The following PLCE1 variants were observed in gnomAD, a reference collection of about 807,000 sequenced individuals.
The protein encoded by PLCE1 is phospholipase C epsilon 1.
PLCE1 carries 119 observed loss-of-function variants against 242.8 expected under a neutral mutation model. The ratio of observed to expected loss-of-function variants is 0.49; its 90% CI spans 0.42 to 0.57. PLCE1 has a LOEUF of 0.57. Ranked by LOEUF, PLCE1 falls within the 20% of genes least tolerant of loss-of-function variation. PLCE1 has a pLI of 0.00. For synonymous variants in PLCE1, 945 were observed against 1,017.4 expected, an observed-to-expected ratio of 0.93 and a Z score of 1.35; for missense variants, 2,441 against 2,788.8, an observed-to-expected ratio of 0.88 and a Z score of 2.81.
intron 4 of PLCE1, among the ~76,000 whole-genome samples, chr10:94,218,201 C>G (rs1195764873): frequency 1.3e-5 from 2 of 152,104 alleles, no homozygotes; most frequent in African/African-American, 2.4e-5. Flanking sequence ...TACAGTTATA[C>G]TTAACACATT....
intron 2 of PLCE1, among the ~76,000 whole-genome samples, chr10:94,092,587 T>G (rs558341300): frequency 1.3e-5 from 2 of 151,882 alleles, no homozygotes; most frequent in Admixed American, 1.3e-4. Context: ...AGGAGCATTC[T>G]ATAAGAAACT....
At chr10:94,307,409 C>T (rs1004013757) in intron 26 of PLCE1, among the ~76,000 whole-genome samples, 1 of 152,180 alleles carries the variant, frequency 6.6e-6, no homozygotes, top group Non-Finnish European at 1.5e-5. Flanking sequence ...AGCTGCCATC[C>T]TTGGAGCTCA....
intron 4 of PLCE1, among the ~76,000 whole-genome samples, chr10:94,216,465 T>C (rs764998750): frequency 6.6e-5 from 10 of 152,260 alleles, no homozygotes; most frequent in Non-Finnish European, 1.2e-4. Flanking sequence ...AACAAGTATA[T>C]ATTTGTTGAA....
At chr10:94,305,107 T>C (rs1453264766) in intron 25 of PLCE1, among the ~76,000 whole-genome samples, 1 of 152,104 alleles carries the variant, frequency 6.6e-6, no homozygotes, top group Admixed American at 6.6e-5. Flanking sequence ...CTAATTAACT[T>C]ATTGTCAAAA....
intron 1 of PLCE1, among the ~76,000 whole-genome samples, chr10:94,024,520 T>C (rs2061425400): frequency 6.6e-6 from 1 of 152,184 alleles, no homozygotes; most frequent in African/African-American, 2.4e-5. Context: ...AGGTAATTAC[T>C]ACCTTACTAT....
intron 14 of PLCE1, among the ~76,000 whole-genome samples, chr10:94,264,831 T>C (rs2051455545): frequency 6.6e-6 from 1 of 152,182 alleles, no homozygotes; most frequent in Non-Finnish European, 1.5e-5. Context: ...ATTTATTTTT[T>C]ATGAGATTAC....
intron 1 of PLCE1, among the ~76,000 whole-genome samples, chr10:94,013,967 G>A (rs1280509076): frequency 6.6e-6 from 1 of 152,106 alleles, no homozygotes; most frequent in African/African-American, 2.4e-5. Flanking sequence ...TATGGGTTAT[G>A]TTAGGGACTG....
chr10:94,265,089 G>T (rs1348246565), intron 14 of PLCE1, among the ~76,000 whole-genome samples: 2 of 152,264 alleles, frequency 1.3e-5, no homozygotes, highest in East Asian at 3.8e-4. Context: ...TTACACTACA[G>T]GGTGTCAGCA....
intron 4 of PLCE1, among the ~76,000 whole-genome samples, chr10:94,186,015 TTG>T (rs2048466274): frequency 6.6e-6 from 1 of 152,270 alleles, no homozygotes; most frequent in Admixed American, 6.5e-5. Flanking sequence ...GCGGCTCGAT[TTG>T]TTTTAACAGT....
chr10:94,054,632 C>G (rs1409791839), intron 2 of PLCE1, among the ~76,000 whole-genome samples: 1 of 152,152 alleles, frequency 6.6e-6, no homozygotes, highest in Non-Finnish European at 1.5e-5. Flanking sequence ...TTCCCTCAGC[C>G]ATTAATAACA....
intron 2 of PLCE1, among the ~76,000 whole-genome samples, chr10:94,047,550 G>T (rs541688051): frequency 6.6e-6 from 1 of 152,230 alleles, no homozygotes; most frequent in East Asian, 1.9e-4. Flanking sequence ...AAATTTTCCT[G>T]TTGTGTTTTC....
intron 8 of PLCE1, among the ~76,000 whole-genome samples, chr10:94,249,495 A>G (rs567020361): frequency 2.0e-4 from 31 of 152,314 alleles, no homozygotes; most frequent in African/African-American, 7.0e-4. Flanking sequence ...GGTTTTTCCA[A>G]ACTTCTGTTA....
At chr10:94,323,377 G>C (rs1230237714) in intron 30 of PLCE1, among the ~76,000 whole-genome samples, 1 of 152,204 alleles carries the variant, frequency 6.6e-6, no homozygotes, top group East Asian at 1.9e-4. Flanking sequence ...TCTGAGACCT[G>C]GAGTAAAAGC....
chr10:94,030,489 G>C (rs2061535891), intron 1 of PLCE1, among the ~76,000 whole-genome samples, 194 bp from the exon 2 acceptor site: 1 of 149,630 alleles, frequency 6.7e-6, no homozygotes, highest in Admixed American at 6.7e-5. Flanking sequence ...TCTTGCCCTT[G>C]TTACTCCATT....
chr10:94,311,178 C>T (rs556288995), intron 27 of PLCE1, among the ~76,000 whole-genome samples: 5 of 152,294 alleles, frequency 3.3e-5, no homozygotes, highest in African/African-American at 1.2e-4. Context: ...GCTCTCGGAA[C>T]CCCATCATTT....
chr10:94,041,481 C>A (rs1472242794), intron 2 of PLCE1, among the ~76,000 whole-genome samples: 1 of 152,180 alleles, frequency 6.6e-6, no homozygotes. Flanking sequence ...ATGTTTGCAT[C>A]TCCTTGTCCC....
chr10:94,087,593 T>A (rs1035245465), intron 2 of PLCE1, among the ~76,000 whole-genome samples: 1 of 151,846 alleles, frequency 6.6e-6, no homozygotes. Flanking sequence ...CACACCACCA[T>A]GCCCAGCTAA....
chr10:94,291,892 C>G (rs1432007317), intron 22 of PLCE1, among the ~76,000 whole-genome samples: 2 of 152,160 alleles, frequency 1.3e-5, no homozygotes, highest in African/African-American at 2.4e-5. Flanking sequence ...CCTTCCCCTT[C>G]TTTGATCACT....
intron 23 of PLCE1, among the ~76,000 whole-genome samples, chr10:94,295,840 T>C (rs1015455872): frequency 1.3e-5 from 2 of 152,222 alleles, no homozygotes; most frequent in East Asian, 3.8e-4. Context: ...GGTTTTGTTG[T>C]TCCATCTATA....
Sources: gnomAD v4.1 joint callset for allele counts (sites outside exome capture counted in the v4.1 genomes callset) on GRCh38, gnomAD v4.1.1 for gene constraint, MANE v1.5 for transcripts, NCBI Gene and HGNC (gene_info 2026-07-23, HGNC 2026-07-21) for gene names.